Variants in RGS7 observed in about 807,000 individuals in gnomAD.
RGS7 encodes regulator of G-protein signaling 7.
RGS7 carries 27 observed loss-of-function variants against 81.1 expected under a neutral mutation model. The observed-to-expected ratio is 0.33, with a 90% CI of 0.25 to 0.46. The LOEUF is 0.46. Ranked by LOEUF, RGS7 falls within the 20% of genes least tolerant of loss-of-function variation. The pLI is 1.00. For synonymous variants in RGS7, 208 were observed against 207.7 expected (o/e 1.00, Z -0.01); for missense variants, 396 against 607.4 (o/e 0.65, Z 3.66).
At chr1:240,931,002 C>T (rs1675349887) in intron 5 of RGS7, among the ~76,000 whole-genome samples, 1 of 152,184 alleles carries the variant, frequency 6.6e-6, no homozygotes, top group Admixed American at 6.5e-5. Context: ...TTTAGAATGT[C>T]ATCCCTTTGC....
chr1:241,045,653 C>T (rs774203581), intron 3 of RGS7, among the ~76,000 whole-genome samples: 3 of 152,148 alleles, frequency 2.0e-5, no homozygotes, highest in Non-Finnish European at 2.9e-5. Flanking sequence ...CATGAGCCAC[C>T]GCGCCTGGCC....
intron 10 of RGS7, among the ~76,000 whole-genome samples, chr1:240,824,625 G>A (rs1692461976): frequency 6.6e-6 from 1 of 152,226 alleles, no homozygotes; most frequent in African/African-American, 2.4e-5. Context: ...GGTATTCACT[G>A]ACAAAATGCA....
At chr1:241,302,527 C>T (rs2079833522) in intron 2 of RGS7, among the ~76,000 whole-genome samples, 1 of 152,112 alleles carries the variant, frequency 6.6e-6, no homozygotes, top group African/African-American at 2.4e-5. Context: ...CCAGCCTGGG[C>T]AACAGAGCGA....
intron 2 of RGS7, among the ~76,000 whole-genome samples, chr1:241,320,090 A>G (rs1158991957): frequency 6.6e-6 from 1 of 152,140 alleles, no homozygotes; most frequent in South Asian, 2.1e-4. Flanking sequence ...GACTCCACGT[A>G]AAGAAAAGAA....
intron 4 of RGS7, among the ~76,000 whole-genome samples, chr1:240,974,005 TAAC>T (rs2148520884): frequency 6.6e-6 from 1 of 152,342 alleles, no homozygotes; most frequent in Admixed American, 6.5e-5. Flanking sequence ...TTAAATTAAT[TAAC>T]AAGATTTAGA....
chr1:241,259,980 A>G (rs1453584409), intron 2 of RGS7, among the ~76,000 whole-genome samples: 1 of 152,156 alleles, frequency 6.6e-6, no homozygotes, highest in Admixed American at 6.5e-5. Context: ...TAATTTGTTG[A>G]ATCGTCAAGA....
At chr1:241,112,569 A>G (rs919106782) in intron 2 of RGS7, among the ~76,000 whole-genome samples, 4 of 152,186 alleles carry the variant, frequency 2.6e-5, no homozygotes, top group African/African-American at 9.7e-5. Context: ...AAGTATGGTG[A>G]TTTATTTGTC....
intron 2 of RGS7, among the ~76,000 whole-genome samples, chr1:241,351,770 T>C (rs990729916): frequency 6.6e-6 from 1 of 152,254 alleles, no homozygotes; most frequent in Non-Finnish European, 1.5e-5. Context: ...TGAGGAACAG[T>C]GAACTTGGTA....
At chr1:240,931,548 G>A (rs746044992) in intron 5 of RGS7, among the ~76,000 whole-genome samples, 4 of 151,814 alleles carry the variant, frequency 2.6e-5, no homozygotes, top group Non-Finnish European at 4.4e-5. Context: ...TATTCCATAC[G>A]TATAAACACC....
At chr1:241,010,236 G>C (rs1261624118) in intron 3 of RGS7, among the ~76,000 whole-genome samples, 4 of 152,150 alleles carry the variant, frequency 2.6e-5, no homozygotes, top group Non-Finnish European at 5.9e-5. Context: ...GTATCTGAAG[G>C]AAATGGCTCT....
In RGS7 at chr1:241,163,389, G is replaced by A. The variant is rs2069896600; in HGVS notation, c.79-64627C>T. ...TTTGAGATGGATGTTCAGAGGGCCAGCAGATAGAAGTAGCCATGCAAAGCT... is the reference window on the plus strand; with the variant it reads ...TTTGAGATGGATGTTCAGAGGGCCAACAGATAGAAGTAGCCATGCAAAGCT... On this transcript the variant is annotated intron_variant, in intron 2 of 18. Coordinates refer to ENST00000440928, the MANE Select transcript of RGS7 (RefSeq NM_001364886.1). The surrounding 1 kb of genome is among the most constrained non-coding windows in gnomAD (Gnocchi z 4.6). Among the ~76,000 whole-genome samples, 1 of 152,150 alleles carries A rather than the reference G, an allele frequency of 6.6e-6. No individual in the cohort carries two copies. The highest frequency in any genetic ancestry group is 1.5e-5 in the Non-Finnish European group (1 of 68,022).
intron 2 of RGS7, among the ~76,000 whole-genome samples, chr1:241,150,906 G>A (rs1222741970): frequency 6.6e-6 from 1 of 152,124 alleles, no homozygotes; most frequent in Non-Finnish European, 1.5e-5. Context: ...GAACCCAGAG[G>A]GCCACTGTTG....
intron 6 of RGS7, among the ~76,000 whole-genome samples, chr1:240,930,222 C>CTTTTTTTTTTTTT (rs10676730): frequency 6.1e-5 from 7 of 113,890 alleles, no homozygotes; most frequent in African/African-American, 1.0e-4. Flanking sequence ...TCTTTTTTAG[C>CTTTTTTTTTTTTT]TTTTTTTTTT....
intron 2 of RGS7, among the ~76,000 whole-genome samples, chr1:241,193,460 GATT>G (rs2072836838): frequency 6.6e-6 from 1 of 152,156 alleles, no homozygotes; most frequent in African/African-American, 2.4e-5. Context: ...TAGCTAATGT[GATT>G]TCCAACTACT....
At chr1:241,028,846 G>A (rs1482052696) in intron 3 of RGS7, among the ~76,000 whole-genome samples, 2 of 152,134 alleles carry the variant, frequency 1.3e-5, no homozygotes, top group Non-Finnish European at 2.9e-5. Context: ...TCATAAAACC[G>A]ATGCGACGAT....
chr1:241,308,953 G>A (rs546836637), intron 2 of RGS7, among the ~76,000 whole-genome samples: 36 of 152,242 alleles, frequency 2.4e-4, no homozygotes, highest in Middle Eastern at 3.4e-3. Context: ...CGAGGACAGC[G>A]ATCAGCTACG....
At chr1:240,784,013 TAA>T (rs71172645) in intron 18 of RGS7, among the ~76,000 whole-genome samples, 42,672 of 82,322 alleles carry the variant, frequency 0.52, 9,115 homozygotes, top group Non-Finnish European at 0.58. Flanking sequence ...CTGTCTCTAC[TAA>T]AAAAAAAAAA....
At chr1:241,084,563 C>A (rs566356413) in intron 3 of RGS7, among the ~76,000 whole-genome samples, 2 of 152,218 alleles carry the variant, frequency 1.3e-5, no homozygotes, top group South Asian at 2.1e-4. Flanking sequence ...TTCTTATGAA[C>A]CTTAAGACTT....
chr1:241,050,155 T>C (rs929464922), intron 3 of RGS7, among the ~76,000 whole-genome samples: 2 of 152,194 alleles, frequency 1.3e-5, no homozygotes, highest in Non-Finnish European at 1.5e-5. Context: ...AAGAACGTGA[T>C]CCCATTATCA....
Sources: gnomAD v4.1 joint callset for allele counts (sites outside exome capture counted in the v4.1 genomes callset) on GRCh38, gnomAD v4.1.1 for gene constraint, Gnocchi (gnomAD v3.1) non-coding constraint, MANE v1.5 for transcripts, NCBI Gene and HGNC (gene_info 2026-07-23, HGNC 2026-07-21) for gene names.